ZNF277: variants seen among roughly 807,000 people sequenced by gnomAD.
The protein encoded by ZNF277 is nuclear receptor-interacting factor 4.
ZNF277 carries 55 observed loss-of-function variants against 60.7 expected under a neutral mutation model. The ratio of observed to expected loss-of-function variants is 0.91; its 90% CI spans 0.73 to 1.13. The LOEUF is 1.13. Ranked by LOEUF, ZNF277 falls within the 50% of genes most tolerant of loss-of-function variation. ZNF277 has a pLI of 0.00. For synonymous variants in ZNF277, 178 were observed against 179.3 expected (o/e 0.99, Z 0.06); for missense variants, 510 against 523.0 (o/e 0.98, Z 0.24).
chr7:112,242,469 A>G (rs560222351), intron 1 of ZNF277, among the ~76,000 whole-genome samples: 1 of 151,938 alleles, frequency 6.6e-6, no homozygotes, highest in South Asian at 2.1e-4. Context: ...ATGTTAAGTA[A>G]CGTACAAAAA....
intron 1 of ZNF277, among the ~76,000 whole-genome samples, chr7:112,217,534 G>A (rs1023956080): frequency 2.6e-5 from 4 of 152,100 alleles, no homozygotes; most frequent in Non-Finnish European, 5.9e-5. Context: ...TGACCTAACC[G>A]ACTCCATCTT....
intron 1 of ZNF277, among the ~76,000 whole-genome samples, chr7:112,237,234 A>G (rs1311836490): frequency 6.6e-6 from 1 of 152,200 alleles, no homozygotes; most frequent in Non-Finnish European, 1.5e-5. Flanking sequence ...AGCAGCGCTA[A>G]GAAGAAAGTT....
intron 1 of ZNF277, among the ~76,000 whole-genome samples, chr7:112,280,177 G>A (rs2117051163): frequency 6.6e-6 from 1 of 152,232 alleles, no homozygotes; most frequent in African/African-American, 2.4e-5. Flanking sequence ...TTATGCTCAT[G>A]GCAACAGGAG....
In ZNF277 at chr7:112,296,255, T is replaced by C. The variant is rs183970677; in HGVS notation, c.409T>C (p.Cys137Arg). 30 of 1,587,956 alleles carry C rather than the reference T, an allele frequency of 1.9e-5. No individual in the cohort carries two copies. The East Asian group carries it at 6.3e-4, about 33-fold the overall frequency. ...AGAACAAGAGAATTATTTTTTGTTA[T>C]GTGACGTTTTACCAGAAGATAGAAT... is the stretch of plus-strand genomic sequence containing the variant. ...FEEQENYFLLCDVLPEDRILR... is the reference protein window; with the variant it reads ...FEEQENYFLLRDVLPEDRILR... Residue 137 changes from cysteine to arginine, a missense_variant, in exon 4 of 12, where the codon TGT (cysteine) becomes CGT (arginine). Transcript: ENST00000361822.
intron 1 of ZNF277, among the ~76,000 whole-genome samples, chr7:112,249,176 C>T (rs903619520): frequency 6.6e-6 from 1 of 152,158 alleles, no homozygotes; most frequent in African/African-American, 2.4e-5. Context: ...GTCCTTCTAG[C>T]TAAAGCCTTG....
At chr7:112,268,676 T>A (rs1374196907) in intron 1 of ZNF277, among the ~76,000 whole-genome samples, 1 of 152,212 alleles carries the variant, frequency 6.6e-6, no homozygotes, top group Non-Finnish European at 1.5e-5. Context: ...TTTAGAATCA[T>A]GATAACTACC....
At chr7:112,299,083 A>G (rs1285258790) in intron 4 of ZNF277, among the ~76,000 whole-genome samples, 2 of 152,164 alleles carry the variant, frequency 1.3e-5, no homozygotes, top group Non-Finnish European at 2.9e-5. Flanking sequence ...TTAGAGGATC[A>G]ACAAAAAGTA....
Position 112,341,091 on chromosome 7 carries a change from T to C in ZNF277, c.1184+45T>C, listed in dbSNP as rs1020184784. 6 of 1,503,200 alleles carry C rather than the reference T, an allele frequency of 4.0e-6. 1 individual carries two copies. The South Asian group carries it at 8.5e-5, about 21-fold the overall frequency. The allele number at this position is 1,503,200 out of a possible 1,614,324, so 93.1% of individuals were successfully genotyped here. On this transcript the variant is annotated intron_variant, in intron 11 of 11. Coordinates refer to ENST00000361822, the MANE Select transcript of ZNF277 (RefSeq NM_021994.3). Reference sequence around the variant, plus strand: ...ATGTGCACTTCTTACTCCAACTCTTTGATTTTGTCCCTTTATTTAATTTCT... The same window carrying C: ...ATGTGCACTTCTTACTCCAACTCTTCGATTTTGTCCCTTTATTTAATTTCT...
chr7:112,238,588 T>C (rs1217978266), intron 1 of ZNF277, among the ~76,000 whole-genome samples: 2 of 150,732 alleles, frequency 1.3e-5, no homozygotes, highest in African/African-American at 4.9e-5. Flanking sequence ...GCCAGGGAGG[T>C]GTTCGCGTCA....
intron 1 of ZNF277, among the ~76,000 whole-genome samples, chr7:112,241,677 A>G (rs1217255144): frequency 6.6e-6 from 1 of 152,170 alleles, no homozygotes; most frequent in Non-Finnish European, 1.5e-5. Flanking sequence ...CAGCCATAAA[A>G]AGAATGAGAT....
chr7:112,230,152 C>G (rs948826284), intron 1 of ZNF277, among the ~76,000 whole-genome samples: 1 of 152,012 alleles, frequency 6.6e-6, no homozygotes, highest in Non-Finnish European at 1.5e-5. Flanking sequence ...GCTGGCTGGG[C>G]GCAGTGGCTC....
chr7:112,283,893 G>A (rs182052138), intron 1 of ZNF277, among the ~76,000 whole-genome samples: 100 of 152,322 alleles, frequency 6.6e-4, no homozygotes, highest in African/African-American at 2.2e-3. Context: ...GACATTGTCA[G>A]AGTACATATA....
At chr7:112,282,005 G>A (rs1446589616) in intron 1 of ZNF277, among the ~76,000 whole-genome samples, 1 of 151,976 alleles carries the variant, frequency 6.6e-6, no homozygotes, top group East Asian at 1.9e-4. Context: ...GCTAATTTTT[G>A]TATTTTCAGT....
At chr7:112,237,259 C>T (rs1177019076) in intron 1 of ZNF277, among the ~76,000 whole-genome samples, 2 of 151,978 alleles carry the variant, frequency 1.3e-5, no homozygotes, top group Non-Finnish European at 1.5e-5. Flanking sequence ...GCATTAAATG[C>T]CTACATCAAA....
At chr7:112,274,762 G>A (rs1262535664) in intron 1 of ZNF277, among the ~76,000 whole-genome samples, 1 of 152,082 alleles carries the variant, frequency 6.6e-6, no homozygotes, top group Admixed American at 6.5e-5. Flanking sequence ...GTAATACTCT[G>A]TCATATCAAA....
chr7:112,309,228 C>T (rs1792668176), intron 4 of ZNF277, among the ~76,000 whole-genome samples: 1 of 151,914 alleles, frequency 6.6e-6, no homozygotes, highest in African/African-American at 2.4e-5. Context: ...TCCTGATGAT[C>T]TCCTGAAGCC....
chr7:112,286,802 T>C, intron 1 of ZNF277, 71 bp from the exon 2 acceptor site: 1 of 1,294,338 alleles, frequency 7.7e-7, no homozygotes, highest in Non-Finnish European at 1.0e-6. Flanking sequence ...AGGTGGGAAA[T>C]CATCCATATG....
chr7:112,233,095 C>T (rs1225522144), intron 1 of ZNF277, among the ~76,000 whole-genome samples: 1 of 152,108 alleles, frequency 6.6e-6, no homozygotes, highest in Non-Finnish European at 1.5e-5. Context: ...CTTGTTTTAT[C>T]TTGTTAATGC....
chr7:112,297,712 A>C (rs1322147253), intron 4 of ZNF277, among the ~76,000 whole-genome samples: 1 of 152,168 alleles, frequency 6.6e-6, no homozygotes, highest in Non-Finnish European at 1.5e-5. Context: ...ATTTACTATC[A>C]TGTCTTATGG....
Sources: gnomAD v4.1 joint callset for allele counts (sites outside exome capture counted in the v4.1 genomes callset) on GRCh38, gnomAD v4.1.1 for gene constraint, MANE v1.5 for transcripts, NCBI Gene and HGNC (gene_info 2026-07-23, HGNC 2026-07-21) for gene names.